The following BNIP2 variants were observed in gnomAD, a reference collection of about 807,000 sequenced individuals.
BNIP2 encodes the protein BCL2 interacting protein 2, also known as BCL2/adenovirus E1B 19 kDa protein-interacting protein 2.
Under a neutral mutation model 43.4 loss-of-function variants are expected in BNIP2, and 36 were observed. The observed-to-expected ratio is 0.83, with a 90% confidence interval of 0.64 to 1.10. The LOEUF (loss-of-function observed/expected upper bound fraction) is 1.10. BNIP2 is among the 50% of genes least tolerant of loss of function. The pLI, the probability that BNIP2 is intolerant of heterozygous loss-of-function variation, is 0.00. For missense variants in BNIP2, 417 were observed against 374.1 expected (o/e 1.11, Z -0.95); for synonymous variants, 146 against 121.0 (o/e 1.21, Z -1.35).
intron 1 of BNIP2, among the ~76,000 whole-genome samples, chr15:59,687,454 T>C (rs1231944095): frequency 6.6e-6 from 1 of 151,508 alleles, no homozygotes; most frequent in African/African-American, 2.4e-5. Flanking sequence ...CAGGTTCAAG[T>C]GATTCTTGTG....
At chr15:59,687,994 C>T (rs6151445) in intron 1 of BNIP2, among the ~76,000 whole-genome samples, 60,003 of 151,838 alleles carry the variant, frequency 0.4, 12,135 homozygotes, top group East Asian at 0.56. Context: ...CTGATTTGGC[C>T]GCACTTAGCT....
chr15:59,663,766 A>C lies in BNIP2; in HGVS notation c.*303T>G, dbSNP rs1566949876. ...ATGCATATAAATATTTCACCGAAGA[A>C]GATGCATCATTCAATAAACAAATGC... On this transcript the variant is annotated 3_prime_UTR_variant, in exon 10 of 10. Coordinates refer to ENST00000607373, the MANE Select transcript of BNIP2 (RefSeq NM_004330.4). The C allele has an allele frequency of 9.0e-6, 2 of 222,346 alleles. No homozygotes were observed. Among genetic ancestry groups the C allele is most frequent in the Non-Finnish European group, 8.7e-6 (1 of 115,050 alleles). The allele number at this position is 222,346 out of a possible 1,614,324, so 13.8% of individuals were successfully genotyped here.
chr15:59,669,462 A>G, intron 7 of BNIP2, 100 bp from the exon 8 acceptor site: 1 of 828,152 alleles, frequency 1.2e-6, no homozygotes, highest in Non-Finnish European at 1.8e-6. Context: ...GAAAAATCTC[A>G]CCCAAAAGTT....
intron 1 of BNIP2, chr15:59,688,901 G>C (rs1366073888): frequency 6.8e-7 from 1 of 1,470,672 alleles, no homozygotes; most frequent in Admixed American, 2.5e-5. Context: ...GACGGGGTGG[G>C]GGGCCAAACT....
At chr15:59,674,812 T>C (rs1893164667) in intron 5 of BNIP2, among the ~76,000 whole-genome samples, 1 of 152,218 alleles carries the variant, frequency 6.6e-6, no homozygotes, top group African/African-American at 2.4e-5. Context: ...TATGGTACTG[T>C]TAGATTGAAA....
intron 9 of BNIP2, among the ~76,000 whole-genome samples, chr15:59,667,707 G>A (rs917995355): frequency 6.6e-6 from 1 of 152,150 alleles, no homozygotes; most frequent in African/African-American, 2.4e-5. Flanking sequence ...AATAAATTGA[G>A]AACTTTTAAA....
chr15:59,680,205 C>A, intron 3 of BNIP2, 36 bp downstream of exon 3: 1 of 1,422,600 alleles, frequency 7.0e-7, no homozygotes, highest in Non-Finnish European at 9.4e-7. Flanking sequence ...AACACAAAGT[C>A]CATAATTTCA....
chr15:59,687,102 A>C (rs1044165647), intron 1 of BNIP2, among the ~76,000 whole-genome samples: 1 of 152,348 alleles, frequency 6.6e-6, no homozygotes, highest in South Asian at 2.1e-4. Context: ...GAAATTGTGA[A>C]AATAAATCAA....
At chr15:59,674,701 G>A (rs1486320558) in intron 5 of BNIP2, among the ~76,000 whole-genome samples, 1 of 152,124 alleles carries the variant, frequency 6.6e-6, no homozygotes, top group Non-Finnish European at 1.5e-5. Context: ...TCCTGTGTTA[G>A]GAGGATTTAA....
Position 59,677,983 on chromosome 15 carries a change from T to C in BNIP2, c.400A>G (p.Arg134Gly). 1 of 1,614,030 alleles carries C rather than the reference T, an allele frequency of 6.2e-7. No homozygotes were observed. The highest frequency in any genetic ancestry group is 8.5e-7 in the Non-Finnish European group (1 of 1,179,886). The stretch of plus-strand genomic sequence containing the variant: ...ACCCTGTGGTCCTGTTCTCCAATCC[T>C]GAACATACGCCAGCGTCGTCCATCT... ...KEDGRRWRMF[R>G]IGEQDHRVDM... The change falls in exon 5 of 10, where the codon AGG (arginine) becomes GGG (glycine). Residue 134 changes from arginine to glycine, a missense_variant. Physicochemically the swap from Arg to Gly is moderately radical, Grantham distance 125 (BLOSUM62 -2). Transcript: ENST00000607373.
chr15:59,669,240 A>C (rs1286748012), intron 8 of BNIP2, 36 bp downstream of exon 8: 1 of 1,408,744 alleles, frequency 7.1e-7, no homozygotes, highest in South Asian at 1.4e-5. Flanking sequence ...ATAAATAAAA[A>C]AAATAAAATT....
chr15:59,666,560 G>A (rs910801321), intron 9 of BNIP2, among the ~76,000 whole-genome samples: 5 of 152,060 alleles, frequency 3.3e-5, no homozygotes, highest in African/African-American at 1.2e-4. Flanking sequence ...CCAGCTACTT[G>A]GGGGGCTGAG....
intron 6 of BNIP2, 190 bp downstream of exon 6, chr15:59,672,447 G>C (rs997726952): frequency 3.1e-5 from 14 of 454,560 alleles, no homozygotes; most frequent in African/African-American, 2.2e-4. Flanking sequence ...CTAATTTTTT[G>C]ATTTTGTAGA....
intron 5 of BNIP2, among the ~76,000 whole-genome samples, chr15:59,675,046 C>G (rs373350449): frequency 2.0e-5 from 3 of 151,136 alleles, no homozygotes; most frequent in Non-Finnish European, 2.9e-5. Context: ...GTCAGGAGTT[C>G]GAGACCAGCC....
chr15:59,685,298 G>A (rs150180501), intron 1 of BNIP2, among the ~76,000 whole-genome samples: 3,898 of 152,156 alleles, frequency 0.026, 152 homozygotes, highest in African/African-American at 0.089. Flanking sequence ...TCAGGAGTTT[G>A]AGACCAGCCT....
intron 9 of BNIP2, among the ~76,000 whole-genome samples, chr15:59,666,642 G>A (rs1892586229): frequency 1.3e-5 from 2 of 152,066 alleles, no homozygotes; most frequent in Admixed American, 1.3e-4. Context: ...ACTCCTGCCT[G>A]GGTGACAAGA....
At chr15:59,676,852 C>T (rs1893331338) in intron 5 of BNIP2, 9 of 1,570,504 alleles carry the variant, frequency 5.7e-6, no homozygotes, top group Non-Finnish European at 7.8e-6. Context: ...TCTGCCTCAG[C>T]TGCCCTGGGC....
intron 5 of BNIP2, chr15:59,676,676 T>A (rs540949763): frequency 3.3e-6 from 2 of 613,664 alleles, no homozygotes. Flanking sequence ...TTTAGAATTC[T>A]GATATTGCAT....
chr15:59,664,155 G>A lies in BNIP2; in HGVS notation c.894-35C>T, dbSNP rs113658239. On this transcript the variant is annotated intron_variant, in intron 9 of 9. Coordinates refer to ENST00000607373, the MANE Select transcript of BNIP2 (RefSeq NM_004330.4). ...GAAGAATATATAAAATAAGAAACCA[G>A]CAACTGAACAATTTTCTTTCTAAAA... The A allele has an allele frequency of 6.1e-5, 82 of 1,337,300 alleles. 1 individual carries two copies. The African/African-American group carries it at 9.5e-4, about 15-fold the overall frequency. The allele number at this position is 1,337,300 out of a possible 1,614,324, so 82.8% of individuals were successfully genotyped here.
Sources: gnomAD v4.1 joint callset for allele counts (sites outside exome capture counted in the v4.1 genomes callset) on GRCh38, gnomAD v4.1.1 for gene constraint, MANE v1.5 for transcripts, NCBI Gene and HGNC (gene_info 2026-07-23, HGNC 2026-07-21) for gene names.